The following TDP1 variants were observed in gnomAD, a reference collection of about 807,000 sequenced individuals.
TDP1 encodes tyr-DNA phosphodiesterase 1.
Under a neutral mutation model 81.5 loss-of-function variants are expected in TDP1, and 64 were observed. The ratio of observed to expected loss-of-function variants is 0.79; its 90% CI spans 0.64 to 0.97. The LOEUF (loss-of-function observed/expected upper bound fraction) is 0.97, where lower values mean the gene tolerates loss of function less well. Ranked by LOEUF, TDP1 falls within the 50% of genes least tolerant of loss-of-function variation. The probability of loss-of-function intolerance (pLI) is 0.00; values close to 1 mark genes in which losing one functional copy is unlikely to be tolerated. For missense variants in TDP1, 723 were observed against 743.8 expected (o/e 0.97, Z 0.33); for synonymous variants, 256 against 264.3 (o/e 0.97, Z 0.30).
chr14:89,972,411 C>T (rs1893768262), intron 6 of TDP1, among the ~76,000 whole-genome samples: 3 of 152,220 alleles, frequency 2.0e-5, no homozygotes, highest in Non-Finnish European at 2.9e-5. Flanking sequence ...CAGGCCCCTC[C>T]TCCAACATTG....
At chr14:89,986,104 G>T (rs2140103025) in intron 10 of TDP1, among the ~76,000 whole-genome samples, 1 of 152,336 alleles carries the variant, frequency 6.6e-6, no homozygotes, top group African/African-American at 2.4e-5. Flanking sequence ...TAAAGTCTAA[G>T]AATTTTCCCT....
intron 14 of TDP1, among the ~76,000 whole-genome samples, chr14:90,014,922 G>T (rs11850006): frequency 0.025 from 3,879 of 152,240 alleles, 149 homozygotes; most frequent in African/African-American, 0.085. Flanking sequence ...TTAGGCAGTT[G>T]TTTCCCCCAT....
chr14:89,989,120 AC>A (rs1895892841), intron 11 of TDP1, 30 bp downstream of exon 11: 1 of 1,590,910 alleles, frequency 6.3e-7, no homozygotes, highest in South Asian at 1.1e-5. Flanking sequence ...GAGGTAGTTT[AC>A]TTTTATTCTC....
intron 7 of TDP1, chr14:89,980,321 T>A: frequency 3.0e-6 from 3 of 985,248 alleles, no homozygotes; most frequent in Non-Finnish European, 2.4e-6. Flanking sequence ...GAAAGTTCTT[T>A]TACCACCAAA....
At chr14:89,981,811 G>C (rs902685808) in intron 8 of TDP1, among the ~76,000 whole-genome samples, 10 of 151,886 alleles carry the variant, frequency 6.6e-5, no homozygotes, top group African/African-American at 2.2e-4. Context: ...TCAGCCTTCT[G>C]GGTAACTGGG....
rs990449819 is a variant in TDP1, at chr14:90,022,957, G to A, written c.1644+3539G>A. ...GCATACCCCAGGCTCCTACCTGGAC[G>A]TTCCAGTGGCCTGGGACTACCCACC... is the stretch of plus-strand genomic sequence containing the variant. On this transcript the variant is annotated intron_variant, in intron 15 of 16. Coordinates refer to ENST00000335725, the MANE Select transcript of TDP1 (RefSeq NM_018319.4). 4.1e-6 allele frequency: 3 copies of A among 727,906 alleles called. No individual in the cohort carries two copies. In the African/African-American group the frequency reaches 5.1e-5, roughly 12 times the overall value. The allele number at this position is 727,906 out of a possible 1,614,324, so 45.1% of individuals were successfully genotyped here.
intron 6 of TDP1, among the ~76,000 whole-genome samples, chr14:89,974,291 C>T (rs918045650): frequency 1.1e-4 from 16 of 152,174 alleles, no homozygotes; most frequent in African/African-American, 3.9e-4. Context: ...TTAGACTTAC[C>T]CAGAAGCATG....
In TDP1 at chr14:89,971,214, G is replaced by T. The variant is rs182245462; in HGVS notation, c.699G>T (p.Glu233Asp). Residue 233 changes from glutamate to aspartate, a missense_variant, in exon 6 of 17, where the codon GAG (glutamate) becomes GAT (aspartate). By Grantham distance (45) the Glu-to-Asp change is conservative. Transcript: ENST00000335725. Reference protein sequence around the residue: ...PILLVHGDKREAKAHLHAQAK... With the variant: ...PILLVHGDKRDAKAHLHAQAK... The stretch of plus-strand genomic sequence containing the variant: ...TGCTTGTGCATGGTGATAAGCGAGA[G>T]GCTAAGGCTCACCTCCATGCCCAGG... The T allele has an allele frequency of 4.3e-6, 7 of 1,614,106 alleles. No homozygotes were observed. The East Asian group carries it at 1.6e-4, about 36-fold the overall frequency.
intron 7 of TDP1, among the ~76,000 whole-genome samples, chr14:89,979,283 G>A (rs1596541925): frequency 6.6e-6 from 1 of 152,044 alleles, no homozygotes; most frequent in East Asian, 1.9e-4. Flanking sequence ...TAATAGGAAT[G>A]TACAGGTGAG....
chr14:89,971,194 G>GT lies in TDP1; in HGVS notation c.680dup (p.His228AlafsTer3). The GT allele has an allele frequency of 6.2e-7, 1 of 1,614,020 alleles. No individual in the cohort carries two copies. The highest frequency in any genetic ancestry group is 8.5e-7 in the Non-Finnish European group (1 of 1,179,938). ...TTTTAGGAAGAAGCCAATCCTGCTT[G>GT]TGCATGGTGATAAGCGAGAGGCTAA... On this transcript the variant is annotated frameshift_variant, in exon 6 of 17. Coordinates refer to ENST00000335725, the MANE Select transcript of TDP1 (RefSeq NM_018319.4). LOFTEE classifies it high-confidence loss of function.
chr14:89,957,406 T>TA (rs930145122), intron 2 of TDP1, among the ~76,000 whole-genome samples: 6 of 152,180 alleles, frequency 3.9e-5, no homozygotes, highest in Admixed American at 3.9e-4. Flanking sequence ...TTTCACAGAC[T>TA]AAAAAACTGA....
chr14:90,004,386 G>T (rs1897457938), intron 14 of TDP1, among the ~76,000 whole-genome samples: 1 of 152,194 alleles, frequency 6.6e-6, no homozygotes, highest in African/African-American at 2.4e-5. Context: ...CCTCTCACAA[G>T]TAATATAGCA....
chr14:90,022,311 C>T (rs1370005474), intron 15 of TDP1, among the ~76,000 whole-genome samples: 3 of 152,232 alleles, frequency 2.0e-5, no homozygotes, highest in Non-Finnish European at 4.4e-5. Context: ...TGAAAAGATG[C>T]TGGGGGGATG....
In TDP1 at chr14:90,035,812, G is replaced by T. The variant is rs184027015; in HGVS notation, c.1753+2598G>T. On this transcript the variant is annotated intron_variant, in intron 16 of 16. Coordinates refer to ENST00000335725, the MANE Select transcript of TDP1 (RefSeq NM_018319.4). ...GACTGACTAGGCTTTATCTGCTGGG[G>T]TCTGGCCTTGGGCCCTGCACTTCCC... Among the ~76,000 whole-genome samples, 182 of 149,698 alleles carry T rather than the reference G, an allele frequency of 1.2e-3. 2 individuals are homozygous for T. In the East Asian group the frequency reaches 0.033, roughly 27 times the overall value.
At position 89,970,078 on chromosome 14, in the gene TDP1, G is replaced by A. The variant is rs36003374; in HGVS notation, c.660-1097G>A. Among the ~76,000 whole-genome samples, 233 of 151,466 alleles carry A rather than the reference G, an allele frequency of 1.5e-3. 2 individuals carry two copies. The highest frequency in any genetic ancestry group is 5.3e-3 in the African/African-American group (218 of 41,268). Reference sequence around the variant, plus strand: ...TTTTTAGTAGAGACGGGGTTTCACCGTTTTAGCCGGGATGGTCTCGATCTC... The same window carrying A: ...TTTTTAGTAGAGACGGGGTTTCACCATTTTAGCCGGGATGGTCTCGATCTC... On this transcript the variant is annotated intron_variant, in intron 5 of 16. Coordinates refer to ENST00000335725, the MANE Select transcript of TDP1 (RefSeq NM_018319.4).
intron 14 of TDP1, among the ~76,000 whole-genome samples, chr14:89,997,848 C>T (rs1224388913): frequency 6.6e-6 from 1 of 152,032 alleles, no homozygotes; most frequent in African/African-American, 2.4e-5. Context: ...CAGATTTAAC[C>T]ATTTATCCAG....
At chr14:90,019,077 C>T (rs997017354) in intron 14 of TDP1, 3 of 984,592 alleles carry the variant, frequency 3.0e-6, no homozygotes, top group East Asian at 2.3e-4. Context: ...TAATAGCTGC[C>T]CTCAGGAAAA....
intron 16 of TDP1, among the ~76,000 whole-genome samples, chr14:90,038,135 A>G (rs923970104): frequency 6.6e-6 from 1 of 152,222 alleles, no homozygotes; most frequent in Non-Finnish European, 1.5e-5. Flanking sequence ...TGATTGGTTA[A>G]GTTGGTGTTT....
At chr14:90,003,510 T>C (rs1199049851) in intron 14 of TDP1, among the ~76,000 whole-genome samples, 1 of 152,170 alleles carries the variant, frequency 6.6e-6, no homozygotes, top group Non-Finnish European at 1.5e-5. Flanking sequence ...TATTGGGACA[T>C]GATGACAAAT....
Sources: gnomAD v4.1 joint callset for allele counts (sites outside exome capture counted in the v4.1 genomes callset) on GRCh38, gnomAD v4.1.1 for gene constraint, MANE v1.5 for transcripts, NCBI Gene and HGNC (gene_info 2026-07-23, HGNC 2026-07-21) for gene names.